Variants in MAD2L1BP observed in about 807,000 individuals in gnomAD.
The protein encoded by MAD2L1BP is MAD2L1 binding protein, also known as MAD2L1-binding protein.
A neutral mutation model predicts 28.4 loss-of-function variants in MAD2L1BP; 22 were observed. The ratio of observed to expected loss-of-function variants is 0.77; its 90% CI spans 0.55 to 1.10. MAD2L1BP has a LOEUF of 1.10. Among genes scored for constraint, MAD2L1BP ranks in the 50% least tolerant of loss-of-function variants. The pLI, the probability that MAD2L1BP is intolerant of heterozygous loss-of-function variation, is 0.00. For synonymous variants in MAD2L1BP, 146 were observed against 133.7 expected (o/e 1.09, Z -0.63); for missense variants, 325 against 350.5 (o/e 0.93, Z 0.58).
chr6:43,635,696 C>T (rs1302317378), upstream of MAD2L1BP: 3 of 567,392 alleles, frequency 5.3e-6, no homozygotes, highest in Admixed American at 4.1e-5. Context: ...CGTACATTTG[C>T]CAGGGTGTTA....
In MAD2L1BP at chr6:43,635,883, C is replaced by T. The variant is rs2127860465; in HGVS notation, c.8C>T (p.Ala3Val). Reference protein sequence around the residue: MAAPEAEVLSSAA... With the variant: MAVPEAEVLSSAA... ...AGCGGAGGGGAGGTCGTGATGGCGG[C>T]GCCGGAGGCGGAGGTTCTGTCCTCA... Residue 3 changes from alanine to valine, a missense_variant, in exon 1 of 3, where the codon GCG becomes GTG. Ala to Val is a moderately conservative substitution (Grantham distance 64). Coordinates refer to ENST00000372171, the MANE Select transcript of MAD2L1BP (RefSeq NM_014628.3). 2 of 1,478,652 alleles carry T rather than the reference C, an allele frequency of 1.4e-6. No homozygotes were observed. The highest frequency in any genetic ancestry group is 1.8e-6 in the Non-Finnish European group (2 of 1,121,314). The allele number at this position is 1,478,652 out of a possible 1,614,324, so 91.6% of individuals were successfully genotyped here.
exon 1 of MAD2L1BP, chr6:43,629,601 T>G (rs1769767569): frequency 1.3e-6 from 1 of 792,100 alleles, no homozygotes; most frequent in African/African-American, 1.7e-5. Flanking sequence ...TAGAAGAGCT[T>G]ACATCAGAAT....
upstream of MAD2L1BP, among the ~76,000 whole-genome samples, chr6:43,633,517 C>T (rs1247551782): frequency 1.3e-5 from 2 of 152,028 alleles, no homozygotes; most frequent in Non-Finnish European, 2.9e-5. Flanking sequence ...CTGGTCCCTA[C>T]TTCCTGAAAC....
At chr6:43,635,572 G>A (rs976288690), upstream of MAD2L1BP, among the ~76,000 whole-genome samples, 3 of 152,268 alleles carry the variant, frequency 2.0e-5, no homozygotes, top group African/African-American at 4.8e-5. Flanking sequence ...CACGAAGTAG[G>A]TGCACAGTGA....
upstream of MAD2L1BP, among the ~76,000 whole-genome samples, chr6:43,633,819 C>G (rs1770053081): frequency 6.6e-6 from 1 of 152,094 alleles, no homozygotes; most frequent in Non-Finnish European, 1.5e-5. Context: ...AAGCAATCCT[C>G]CCACCTAAGC....
chr6:43,636,451 G>A lies in MAD2L1BP; in HGVS notation c.117G>A (p.Thr39=). ...TAGAACTACTTGAGACAAGCTCTAC[G>A]CAGGAACCTCTCAACGCTTCGGAGG... ...SQIELLETSS[T]QEPLNASEAF... Residue 39 remains threonine (T), a synonymous_variant, in exon 2 of 3, where the codon ACG becomes ACA. Transcript: ENST00000372171. 6.2e-7 allele frequency: 1 copy of A among 1,614,110 alleles called. No individual in the cohort carries two copies. The highest frequency in any genetic ancestry group is 8.5e-7 in the Non-Finnish European group (1 of 1,180,000).
Position 43,635,901 on chromosome 6 carries a change from T to C in MAD2L1BP, c.26T>C (p.Leu9Pro). ...ATGGCGGCGCCGGAGGCGGAGGTTC[T>C]GTCCTCAGCCGCAGTCCCTGGTAAG... The part of the protein sequence containing the change: MAAPEAEV[L>P]SSAAVPDLEW... Residue 9 changes from leucine to proline, a missense_variant, in exon 1 of 3, where the codon CTG becomes CCG. Physicochemically the swap from Leu to Pro is moderately conservative, Grantham distance 98 (BLOSUM62 -3). Coordinates refer to ENST00000372171, the MANE Select transcript of MAD2L1BP (RefSeq NM_014628.3). 1 of 1,490,970 alleles carries C rather than the reference T, an allele frequency of 6.7e-7. No homozygotes were observed. 92.4% of individuals were successfully genotyped at this position (1,490,970 alleles called of 1,614,324 possible). A position where few individuals can be genotyped will look rare whatever the true frequency, so the allele number is the denominator to read the frequency against.
At chr6:43,638,922 T>G (rs1204346430) in intron 2 of MAD2L1BP, among the ~76,000 whole-genome samples, 1 of 152,184 alleles carries the variant, frequency 6.6e-6, no homozygotes, top group African/African-American at 2.4e-5. Context: ...TTGGAAAGTC[T>G]TCCCTCTGGA....
At position 43,635,918 on chromosome 6, in the gene MAD2L1BP, C is replaced by T; in HGVS notation, c.43C>T (p.Pro15Ser). The T allele has an allele frequency of 2.7e-6, 4 of 1,505,838 alleles. No homozygotes were observed. Among genetic ancestry groups the T allele is most frequent in the Non-Finnish European group, 3.5e-6 (4 of 1,132,882 alleles). The allele number at this position is 1,505,838 out of a possible 1,614,324, so 93.3% of individuals were successfully genotyped here. ...EAEVLSSAAV[P>S]DLEWYEKSEE... ...GGAGGTTCTGTCCTCAGCCGCAGTC[C>T]CTGGTAAGGCGTGGGGCCAAGAGTT... is the stretch of plus-strand genomic sequence containing the variant. The change falls in exon 1 of 3, where the codon CCT (proline) becomes TCT (serine). Residue 15 changes from proline to serine, a missense_variant. Coordinates refer to ENST00000372171, the MANE Select transcript of MAD2L1BP (RefSeq NM_014628.3).
exon 1 of MAD2L1BP, chr6:43,629,645 T>C: frequency 3.2e-6 from 4 of 1,269,588 alleles, no homozygotes; most frequent in Non-Finnish European, 3.4e-6. Flanking sequence ...TTTGGCCCTT[T>C]AGCGCGGATC....
chr6:43,637,372 G>A (rs897307480), intron 2 of MAD2L1BP, among the ~76,000 whole-genome samples: 3 of 148,948 alleles, frequency 2.0e-5, no homozygotes, highest in African/African-American at 7.6e-5. Context: ...TGGCCTGCAT[G>A]TTTCTTTAAT....
chr6:43,632,745 G>T (rs545782279), upstream of MAD2L1BP, among the ~76,000 whole-genome samples: 8 of 150,478 alleles, frequency 5.3e-5, no homozygotes, highest in African/African-American at 2.0e-4. Flanking sequence ...ACTCAGCCGG[G>T]TGCGGTGGCT....
upstream of MAD2L1BP, chr6:43,635,784 C>A: frequency 7.5e-7 from 1 of 1,333,858 alleles, no homozygotes; most frequent in Non-Finnish European, 9.8e-7. Flanking sequence ...TTTTTTCCGA[C>A]CCAACTGAGC....
upstream of MAD2L1BP, among the ~76,000 whole-genome samples, chr6:43,635,070 C>G (rs1306704883): frequency 6.6e-6 from 1 of 152,156 alleles, no homozygotes; most frequent in Non-Finnish European, 1.5e-5. Flanking sequence ...AATCCAATCT[C>G]TATCCTGCAG....
At position 43,640,625 on chromosome 6, in the gene MAD2L1BP, T is replaced by G. The variant is rs533412040; in HGVS notation, c.*92T>G. 18 of 1,402,960 alleles carry G rather than the reference T, an allele frequency of 1.3e-5. No homozygotes were observed. The East Asian group carries it at 4.3e-4, about 33-fold the overall frequency. 86.9% of individuals were successfully genotyped at this position (1,402,960 alleles called of 1,614,324 possible). On this transcript the variant is annotated 3_prime_UTR_variant, in exon 3 of 3. Coordinates refer to ENST00000372171, the MANE Select transcript of MAD2L1BP (RefSeq NM_014628.3). ...CCATCTGGTTTGGAGCTAGAGTTGC[T>G]TCCTGGTGAGAGAGGAAGCAACTCT... is the stretch of plus-strand genomic sequence containing the variant.
At chr6:43,639,898 C>T (rs1021392699) in intron 2 of MAD2L1BP, 123 bp from the exon 3 acceptor site, 3 of 687,206 alleles carry the variant, frequency 4.4e-6, no homozygotes, top group Non-Finnish European at 4.4e-6. Flanking sequence ...TTGGCTGTGG[C>T]GGTTCATTGA....
At chr6:43,633,223 A>G (rs1351687097), upstream of MAD2L1BP, 7 of 426,830 alleles carry the variant, frequency 1.6e-5, no homozygotes, top group Non-Finnish European at 3.2e-5. Context: ...CCCAGGCTGG[A>G]GCACAATGGC....
chr6:43,634,963 C>G (rs1426410820), upstream of MAD2L1BP, among the ~76,000 whole-genome samples: 1 of 152,162 alleles, frequency 6.6e-6, no homozygotes. Context: ...ATCTCCACCC[C>G]ACTGTGACTA....
intron 1 of MAD2L1BP, among the ~76,000 whole-genome samples, chr6:43,630,668 G>A (rs1441959059): frequency 6.6e-6 from 1 of 151,794 alleles, no homozygotes; most frequent in Non-Finnish European, 1.5e-5. Context: ...GCTTGAACCC[G>A]GGAGGCGGAG....
Sources: gnomAD v4.1 joint callset for allele counts (sites outside exome capture counted in the v4.1 genomes callset) on GRCh38, gnomAD v4.1.1 for gene constraint, MANE v1.5 for transcripts, NCBI Gene and HGNC (gene_info 2026-07-23, HGNC 2026-07-21) for gene names.